LRRC17: variants seen among roughly 807,000 people sequenced by gnomAD.
LRRC17 encodes leucine-rich repeat-containing protein 17.
A neutral mutation model predicts 41.5 loss-of-function variants in LRRC17; 33 were observed. The ratio of observed to expected loss-of-function variants is 0.80; its 90% CI spans 0.60 to 1.06. The LOEUF (loss-of-function observed/expected upper bound fraction) is 1.06. Ranked by LOEUF, LRRC17 falls within the 50% of genes least tolerant of loss-of-function variation. The pLI is 0.00. For missense variants in LRRC17, 491 were observed against 519.3 expected (o/e 0.95, Z 0.53); for synonymous variants, 192 against 197.0 (o/e 0.97, Z 0.21).
rs756721134 is a variant in LRRC17 at position 102,939,458 on chromosome 7, T to A, written c.801T>A (p.Pro267=). The A allele has an allele frequency of 2.5e-5, 41 of 1,612,742 alleles. No homozygotes were observed. The highest frequency in any genetic ancestry group is 8.4e-5 in the Admixed American group (5 of 59,562). Residue 267 remains proline (P), a synonymous_variant, in exon 3 of 4, where the codon CCT becomes CCA. Transcript: ENST00000339431. ...KELKKVPNNI[P]PDIVKLDLSY... The stretch of plus-strand genomic sequence containing the variant: ...TGAAAAAAGTGCCAAACAACATCCC[T>A]CCAGATATTGTTAAACTTGACTTGT...
intron 3 of LRRC17, among the ~76,000 whole-genome samples, chr7:102,940,950 T>A (rs183508044): frequency 0.015 from 2,293 of 152,348 alleles, 24 homozygotes; most frequent in Non-Finnish European, 0.023. Context: ...TTTCCCCTGC[T>A]TTTCTTCATG....
At position 102,927,714 on chromosome 7, in the gene LRRC17, C is replaced by T. The variant is rs181105628; in HGVS notation, c.-140-6060C>T. Among the ~76,000 whole-genome samples the T allele has an allele frequency of 2.7e-3, 416 of 152,282 alleles. 2 individuals are homozygous for T. Among genetic ancestry groups the T allele is most frequent in the Non-Finnish European group, 4.5e-3 (303 of 68,024 alleles). On this transcript the variant is annotated intron_variant, in intron 1 of 3. Transcript: ENST00000339431. The stretch of plus-strand genomic sequence containing the variant: ...AGTGCAGAGCTTTTGATAAACACTA[C>T]TCTTAACTACAGTATTCAAGCTGTC...
At chr7:102,921,322 T>G (rs114506164) in intron 1 of LRRC17, among the ~76,000 whole-genome samples, 2 of 152,328 alleles carry the variant, frequency 1.3e-5, no homozygotes, top group East Asian at 3.9e-4. Flanking sequence ...GCAACTAATA[T>G]ATCACTATTA....
chr7:102,926,245 CA>C (rs1455994071), intron 1 of LRRC17: 1 of 1,589,020 alleles, frequency 6.3e-7, no homozygotes, highest in African/African-American at 1.3e-5. Context: ...TAATTTTTTT[CA>C]GTGTCATACA....
At chr7:102,935,499 G>A (rs55928088) in intron 2 of LRRC17, among the ~76,000 whole-genome samples, 1 of 151,960 alleles carries the variant, frequency 6.6e-6, no homozygotes, top group Non-Finnish European at 1.5e-5. Flanking sequence ...AGAACTATGA[G>A]ACTAAGGAAA....
rs375354342 is a variant in LRRC17 at position 102,926,331 on chromosome 7, A to G, written c.-140-7443A>G. Reference sequence around the variant, plus strand: ...AGTTGTGTTAGACAGATTGAGACACAGGACCCCCGGGCAGCCCTCAGAAAT... The same window carrying G: ...AGTTGTGTTAGACAGATTGAGACACGGGACCCCCGGGCAGCCCTCAGAAAT... On this transcript the variant is annotated intron_variant, in intron 1 of 3. Coordinates refer to ENST00000339431, the MANE Select transcript of LRRC17 (RefSeq NM_001031692.3). The G allele has an allele frequency of 6.2e-6, 10 of 1,613,872 alleles. No individual in the cohort carries two copies. In the African/African-American group the frequency reaches 1.3e-4, roughly 22 times the overall value.
At chr7:102,929,201 G>A (rs1416007528) in intron 1 of LRRC17, among the ~76,000 whole-genome samples, 1 of 152,128 alleles carries the variant, frequency 6.6e-6, no homozygotes, top group Non-Finnish European at 1.5e-5. Flanking sequence ...TTGAAAAGAT[G>A]TTTTACTGTG....
chr7:102,939,004 G>A (rs1820867722), intron 2 of LRRC17, among the ~76,000 whole-genome samples: 1 of 151,978 alleles, frequency 6.6e-6, no homozygotes, highest in Non-Finnish European at 1.5e-5. Flanking sequence ...CATTTTTTTC[G>A]ACCCATTTAT....
At chr7:102,914,757 G>T (rs1271188039) in intron 1 of LRRC17, among the ~76,000 whole-genome samples, 4 of 152,224 alleles carry the variant, frequency 2.6e-5, no homozygotes, top group Non-Finnish European at 5.9e-5. Flanking sequence ...GGTGGGCAGG[G>T]CCTGAAGGAG....
intron 1 of LRRC17, chr7:102,926,170 G>A (rs1818091181): frequency 3.6e-6 from 3 of 842,318 alleles, no homozygotes; most frequent in Non-Finnish European, 5.6e-6. Context: ...CCACAGTGGT[G>A]GGGTGTTGAT....
rs1348368594 is a variant in LRRC17, at chr7:102,944,575, A to C, written c.1294A>C (p.Lys432Gln). The change falls in exon 4 of 4, where the codon AAG (lysine) becomes CAG (glutamine). Residue 432 changes from lysine to glutamine, a missense_variant. Physicochemically the swap from Lys to Gln is moderately conservative, Grantham distance 53. Transcript: ENST00000339431. ...EKKHRDHTAK[K>Q]QSVIITIVG ...AAAACATAGAGATCACACCGCAAAG[A>C]AGCAAAGCGTAATAATTACTATAGT... 1 of 1,610,136 alleles carries C rather than the reference A, an allele frequency of 6.2e-7. No individual in the cohort carries two copies. The highest frequency in any genetic ancestry group is 8.5e-7 in the Non-Finnish European group (1 of 1,179,016).
chr7:102,918,529 C>A (rs540092983), intron 1 of LRRC17, among the ~76,000 whole-genome samples: 1 of 152,258 alleles, frequency 6.6e-6, no homozygotes, highest in East Asian at 1.9e-4. Context: ...ATAAACTACA[C>A]CCTGGGTCAC....
intron 1 of LRRC17, among the ~76,000 whole-genome samples, chr7:102,917,638 T>C (rs757274269): frequency 6.6e-6 from 1 of 152,152 alleles, no homozygotes; most frequent in African/African-American, 2.4e-5. Context: ...TTGGGAAACC[T>C]AGGCAGAGAA....
At chr7:102,927,508 G>A (rs867348791) in intron 1 of LRRC17, among the ~76,000 whole-genome samples, 4 of 152,154 alleles carry the variant, frequency 2.6e-5, no homozygotes, top group Non-Finnish European at 4.4e-5. Context: ...CAGTAGTCAT[G>A]GATTTTTAAA....
chr7:102,938,105 A>C (rs536400136), intron 2 of LRRC17, among the ~76,000 whole-genome samples: 12 of 152,354 alleles, frequency 7.9e-5, no homozygotes, highest in Admixed American at 5.9e-4. Flanking sequence ...TTTCAAAGGG[A>C]ATAAATGTGA....
At chr7:102,933,317 C>T (rs959337438) in intron 1 of LRRC17, 5 of 152,108 alleles carry the variant, frequency 3.3e-5, no homozygotes, top group Admixed American at 1.3e-4. Context: ...AATTCAAGTC[C>T]TACCCTTGTG....
At chr7:102,942,475 C>A in intron 3 of LRRC17, 1 of 602,864 alleles carries the variant, frequency 1.7e-6, no homozygotes, top group Non-Finnish European at 2.7e-6. Flanking sequence ...CTTTAAGAAA[C>A]AGACTAAAAC....
intron 2 of LRRC17, chr7:102,936,413 C>G (rs1585030557): frequency 6.6e-6 from 1 of 152,206 alleles, no homozygotes; most frequent in African/African-American, 2.4e-5. Flanking sequence ...CAGAATTAAT[C>G]TGAGCATATT....
chr7:102,940,066 G>A (rs563757477), intron 3 of LRRC17, among the ~76,000 whole-genome samples: 56 of 150,926 alleles, frequency 3.7e-4, no homozygotes, highest in African/African-American at 1.3e-3. Flanking sequence ...GGCTAATTTT[G>A]TATTTTTAGT....
Sources: allele counts gnomAD v4.1 joint callset (sites outside exome capture counted in the v4.1 genomes callset), GRCh38; gene constraint gnomAD v4.1.1; transcripts MANE v1.5; gene names NCBI Gene and HGNC (gene_info 2026-07-23, HGNC 2026-07-21).